The following UBE2E2 variants were observed in gnomAD, a reference collection of about 807,000 sequenced individuals.
UBE2E2 encodes the protein ubiquitin-conjugating enzyme E2 E2.
In UBE2E2, 6 loss-of-function variants were observed where a neutral mutation model predicts 24.7. The observed-to-expected ratio is 0.24, with a 90% CI of 0.13 to 0.48. The LOEUF is 0.48. Ranked by LOEUF, UBE2E2 falls within the 20% of genes least tolerant of loss-of-function variation. The probability of loss-of-function intolerance (pLI) is 0.99; values close to 1 mark genes in which losing one functional copy is unlikely to be tolerated. For missense variants in UBE2E2, 169 were observed against 245.0 expected, an observed-to-expected ratio of 0.69 and a Z score of 2.07; for synonymous variants, 104 against 83.6, an observed-to-expected ratio of 1.24 and a Z score of -1.33.
intron 5 of UBE2E2, among the ~76,000 whole-genome samples, chr3:23,580,551 T>C (rs1696453235): frequency 6.6e-6 from 1 of 152,242 alleles, no homozygotes; most frequent in South Asian, 2.1e-4. Context: ...AAAAAATATG[T>C]GTGACTCACT....
At chr3:23,261,055 A>G (rs146290422) in intron 3 of UBE2E2, among the ~76,000 whole-genome samples, 2 of 152,180 alleles carry the variant, frequency 1.3e-5, no homozygotes, top group African/African-American at 2.4e-5. Flanking sequence ...ATGAGTAGAG[A>G]TTGTGCCACT....
chr3:23,300,390 AC>A (rs1699039156), intron 3 of UBE2E2, among the ~76,000 whole-genome samples: 1 of 152,110 alleles, frequency 6.6e-6, no homozygotes, highest in Admixed American at 6.5e-5. Context: ...GATGGTCTTT[AC>A]AATTTGGCAT....
At chr3:23,441,249 A>G (rs1451395300) in intron 3 of UBE2E2, among the ~76,000 whole-genome samples, 2 of 151,696 alleles carry the variant, frequency 1.3e-5, no homozygotes, top group African/African-American at 2.4e-5. Context: ...GGCCGGGCGC[A>G]GTGGCTCACG....
At chr3:23,290,417 G>A (rs985094538) in intron 3 of UBE2E2, among the ~76,000 whole-genome samples, 2 of 152,158 alleles carry the variant, frequency 1.3e-5, no homozygotes, top group African/African-American at 4.8e-5. Flanking sequence ...AGAGATCTGG[G>A]ATGGGGCCTA....
chr3:23,258,900 G>GAA (rs11333992), intron 3 of UBE2E2, among the ~76,000 whole-genome samples: 1,084 of 78,914 alleles, frequency 0.014, 42 homozygotes, highest in Middle Eastern at 0.026. Context: ...CTCAAAAAAA[G>GAA]AAAAAAAAAA....
At chr3:23,445,611 A>G (rs980957320) in intron 3 of UBE2E2, among the ~76,000 whole-genome samples, 1 of 152,214 alleles carries the variant, frequency 6.6e-6, no homozygotes, top group South Asian at 2.1e-4. Flanking sequence ...TAGATCGGAA[A>G]TCCTTTTTGC....
intron 5 of UBE2E2, among the ~76,000 whole-genome samples, chr3:23,539,937 G>C (rs948483005): frequency 6.6e-6 from 1 of 152,186 alleles, no homozygotes; most frequent in African/African-American, 2.4e-5. Flanking sequence ...AAAGGCTGAA[G>C]TGGGTTTTTC....
At chr3:23,404,188 C>G (rs184646647) in intron 3 of UBE2E2, among the ~76,000 whole-genome samples, 145 of 152,222 alleles carry the variant, frequency 9.5e-4, no homozygotes, top group Non-Finnish European at 1.8e-3. Context: ...ATGTATTTAT[C>G]AACTCAGTTG....
chr3:23,300,652 A>T (rs542227161), intron 3 of UBE2E2, among the ~76,000 whole-genome samples: 80 of 152,180 alleles, frequency 5.3e-4, no homozygotes, highest in African/African-American at 1.5e-3. Flanking sequence ...CCGAGAGATC[A>T]GCTGTTAGTC....
At chr3:23,557,830 C>T (rs142353188) in intron 5 of UBE2E2, among the ~76,000 whole-genome samples, 1 of 152,170 alleles carries the variant, frequency 6.6e-6, no homozygotes, top group Non-Finnish European at 1.5e-5. Context: ...GCAAGTCACT[C>T]TGTCACTGTA....
intron 4 of UBE2E2, among the ~76,000 whole-genome samples, chr3:23,510,287 G>T (rs1187560749): frequency 1.3e-5 from 2 of 152,154 alleles, no homozygotes; most frequent in Non-Finnish European, 1.5e-5. Context: ...AACAAAGTCA[G>T]ACAGTCAACA....
At chr3:23,250,006 A>T (rs1697530136) in intron 3 of UBE2E2, among the ~76,000 whole-genome samples, 1 of 152,158 alleles carries the variant, frequency 6.6e-6, no homozygotes, top group African/African-American at 2.4e-5. Context: ...AGTAGGTGGT[A>T]AGTTATATGC....
At chr3:23,506,847 G>A (rs1694471068) in intron 4 of UBE2E2, among the ~76,000 whole-genome samples, 1 of 152,106 alleles carries the variant, frequency 6.6e-6, no homozygotes. Context: ...TGCCCAGGCT[G>A]ATCTCGAACT....
chr3:23,302,807 C>G (rs890010369), intron 3 of UBE2E2, among the ~76,000 whole-genome samples: 1 of 152,172 alleles, frequency 6.6e-6, no homozygotes, highest in Non-Finnish European at 1.5e-5. Context: ...ATAATGTTAT[C>G]AAAAACGGAC....
rs1228987738 is a variant in UBE2E2, at chr3:23,499,702, A to G, written c.322A>G (p.Ile108Val). Residue 108 changes from isoleucine (I) to valine (V), a missense_variant, in exon 4 of 6, where the codon ATT (isoleucine) becomes GTT (valine). Ile to Val is a conservative substitution (Grantham distance 29). Transcript: ENST00000396703. ...TGAAGGAGGGGTGTTCTTTCTTGAC[A>G]TTACCTTTTCACCAGACTATCCGTT... is the stretch of plus-strand genomic sequence containing the variant. The part of the protein sequence containing the change: ...VYEGGVFFLD[I>V]TFSPDYPFKP... 7 of 1,613,804 alleles carry G rather than the reference A, an allele frequency of 4.3e-6. No individual in the cohort carries two copies. The highest frequency in any genetic ancestry group is 5.9e-6 in the Non-Finnish European group (7 of 1,179,920).
At chr3:23,549,752 A>T (rs559706656) in intron 5 of UBE2E2, among the ~76,000 whole-genome samples, 1 of 152,136 alleles carries the variant, frequency 6.6e-6, no homozygotes, top group East Asian at 1.9e-4. Flanking sequence ...AGGAATTTCA[A>T]CCGGGCGCGG....
At chr3:23,336,905 T>G (rs1045783672) in intron 3 of UBE2E2, among the ~76,000 whole-genome samples, 4 of 152,134 alleles carry the variant, frequency 2.6e-5, no homozygotes, top group Non-Finnish European at 4.4e-5. Flanking sequence ...TTTGGGAGAC[T>G]GAGGCGGGTG....
At chr3:23,514,673 G>C (rs1224396030) in intron 4 of UBE2E2, among the ~76,000 whole-genome samples, 3 of 151,896 alleles carry the variant, frequency 2.0e-5, no homozygotes, top group African/African-American at 7.3e-5. Flanking sequence ...AGGCTGAGCA[G>C]ACAAGTTTGA....
At chr3:23,207,477 C>T (rs924952285) in intron 1 of UBE2E2, among the ~76,000 whole-genome samples, 1 of 151,928 alleles carries the variant, frequency 6.6e-6, no homozygotes, top group African/African-American at 2.4e-5. Flanking sequence ...AATATGGTTG[C>T]TTTAGTATAT....
Sources: allele counts gnomAD v4.1 joint callset (sites outside exome capture counted in the v4.1 genomes callset), GRCh38; gene constraint gnomAD v4.1.1; transcripts MANE v1.5; gene names NCBI Gene and HGNC (gene_info 2026-07-23, HGNC 2026-07-21).